CMSS1: variants seen among roughly 807,000 people sequenced by gnomAD.
CMSS1 encodes the protein cms1 ribosomal small subunit homolog.
A neutral mutation model predicts 43.5 loss-of-function variants in CMSS1; 33 were observed. The observed-to-expected ratio is 0.76, with a 90% CI of 0.57 to 1.01. CMSS1 has a LOEUF of 1.01. Among genes scored for constraint, CMSS1 ranks in the 50% least tolerant of loss-of-function variants. The pLI, the probability that CMSS1 is intolerant of heterozygous loss-of-function variation, is 0.00. For missense variants in CMSS1, 313 were observed against 326.4 expected (o/e 0.96, Z 0.32); for synonymous variants, 115 against 117.2 (o/e 0.98, Z 0.12).
intron 1 of CMSS1, among the ~76,000 whole-genome samples, chr3:99,854,684 T>TG (rs35225638): frequency 0.71 from 107,769 of 151,898 alleles, 38,555 homozygotes; most frequent in East Asian, 0.81. Context: ...AAATGTCTCC[T>TG]GGGGGGCAGT....
At chr3:100,115,557 TTCTCTCTCTCTCTCTCTG>T (rs2066553351) in intron 1 of CMSS1, among the ~76,000 whole-genome samples, 1 of 75,194 alleles carries the variant, frequency 1.3e-5, no homozygotes, top group Non-Finnish European at 3.1e-5. Context: ...CTCTTTCTCT[TTCTCTCTCTCTCTCTCTG>T]TCTCTCTCTC....
intron 1 of CMSS1, among the ~76,000 whole-genome samples, chr3:99,928,997 T>TAGAA (rs1707385266): frequency 6.6e-6 from 1 of 152,188 alleles, no homozygotes; most frequent in South Asian, 2.1e-4. Context: ...GCAAGGACAT[T>TAGAA]AGAGGTCAGT....
chr3:100,121,921 A>G (rs2107492404), intron 1 of CMSS1, among the ~76,000 whole-genome samples: 1 of 152,302 alleles, frequency 6.6e-6, no homozygotes, highest in South Asian at 2.1e-4. Context: ...AGGTATTTCA[A>G]CACTGCAAGG....
At chr3:100,149,559 T>TC (rs1334736324) in intron 2 of CMSS1, among the ~76,000 whole-genome samples, 9 of 152,232 alleles carry the variant, frequency 5.9e-5, no homozygotes, top group Admixed American at 5.9e-4. Flanking sequence ...CTTTGAAGAG[T>TC]CCAAGTCCTA....
intron 1 of CMSS1, among the ~76,000 whole-genome samples, chr3:100,029,367 A>C (rs1297354157): frequency 5.3e-5 from 8 of 152,122 alleles, no homozygotes. Flanking sequence ...AATAAAGTCA[A>C]GTCCCCTAGG....
intron 1 of CMSS1, among the ~76,000 whole-genome samples, chr3:100,088,979 A>G (rs1338273162): frequency 2.6e-5 from 4 of 152,138 alleles, no homozygotes; most frequent in East Asian, 1.9e-4. Context: ...ACTTGAATCA[A>G]TCATGGTTTA....
At chr3:100,058,757 C>T (rs146015249) in intron 1 of CMSS1, among the ~76,000 whole-genome samples, 355 of 152,312 alleles carry the variant, frequency 2.3e-3, no homozygotes, top group Middle Eastern at 0.01. Flanking sequence ...AGAAGGAGGA[C>T]GCTGTATAAC....
At chr3:99,961,636 A>T (rs1708494181) in intron 1 of CMSS1, among the ~76,000 whole-genome samples, 1 of 152,112 alleles carries the variant, frequency 6.6e-6, no homozygotes, top group Non-Finnish European at 1.5e-5. Flanking sequence ...CTGGGAACCG[A>T]TACCTTTGGC....
intron 1 of CMSS1, among the ~76,000 whole-genome samples, chr3:99,894,049 A>G (rs1047199978): frequency 2.6e-5 from 4 of 152,224 alleles, no homozygotes; most frequent in Non-Finnish European, 5.9e-5. Flanking sequence ...ACCAGCATAT[A>G]ATAGCTTCAG....
chr3:99,850,703 G>T (rs1333400545), intron 1 of CMSS1: 1 of 1,613,908 alleles, frequency 6.2e-7, no homozygotes, highest in African/African-American at 1.3e-5. Context: ...GCCAGCTTTT[G>T]TTGAAGCTGG....
At chr3:99,883,894 C>T (rs565714346) in intron 1 of CMSS1, among the ~76,000 whole-genome samples, 1 of 152,234 alleles carries the variant, frequency 6.6e-6, no homozygotes, top group South Asian at 2.1e-4. Flanking sequence ...AATGATGGCA[C>T]CAGAGTTTGA....
intron 1 of CMSS1, among the ~76,000 whole-genome samples, chr3:99,944,610 A>G (rs924451336): frequency 6.6e-5 from 10 of 152,234 alleles, no homozygotes; most frequent in African/African-American, 2.4e-4. Context: ...AAACCTAAAG[A>G]GGTTAAGTTA....
chr3:99,953,735 A>T (rs1010709088), intron 1 of CMSS1, among the ~76,000 whole-genome samples: 1 of 152,198 alleles, frequency 6.6e-6, no homozygotes, highest in African/African-American at 2.4e-5. Context: ...AACCACAGTG[A>T]TGGCCTTTCC....
At chr3:99,909,938 T>C (rs183275568) in intron 1 of CMSS1, among the ~76,000 whole-genome samples, 1 of 138,672 alleles carries the variant, frequency 7.2e-6, no homozygotes, top group East Asian at 2.0e-4. Context: ...AGAGCTGTTG[T>C]CATCTGACCA....
intron 1 of CMSS1, among the ~76,000 whole-genome samples, chr3:100,007,746 A>G (rs1262179196): frequency 2.0e-5 from 3 of 151,964 alleles, no homozygotes; most frequent in Non-Finnish European, 4.4e-5. Context: ...TTTGACTGCC[A>G]CTGTTACCAA....
chr3:99,927,304 C>A (rs1707324634), intron 1 of CMSS1, among the ~76,000 whole-genome samples: 1 of 151,662 alleles, frequency 6.6e-6, no homozygotes, highest in Non-Finnish European at 1.5e-5. Context: ...CTAGGTTATG[C>A]TAATAATACT....
chr3:100,121,782 C>T (rs1295508518), intron 1 of CMSS1, among the ~76,000 whole-genome samples: 1 of 152,244 alleles, frequency 6.6e-6, no homozygotes, highest in South Asian at 2.1e-4. Context: ...TCTGAGGGGG[C>T]CCCTGGTGTC....
chr3:99,982,868 T>G (rs1709169203), intron 1 of CMSS1, among the ~76,000 whole-genome samples: 1 of 152,184 alleles, frequency 6.6e-6, no homozygotes, highest in African/African-American at 2.4e-5. Context: ...ATAAATAAAT[T>G]CATATAATGT....
At position 99,950,442 on chromosome 3, in the gene CMSS1, G is replaced by T. The variant is rs146511804; in HGVS notation, c.64+132399G>T. ...CCCAAAGCCACAAAGTTAATAAGTG[G>T]CAGGGCCATGATGCACATGTCCTAT... On this transcript the variant is annotated intron_variant, in intron 1 of 9. Coordinates refer to ENST00000421999, the MANE Select transcript of CMSS1 (RefSeq NM_032359.4). Among the ~76,000 whole-genome samples the T allele has an allele frequency of 3.8e-3, 575 of 152,270 alleles. 3 individuals carry two copies. The highest frequency in any genetic ancestry group is 0.013 in the African/African-American group (546 of 41,546).
Sources: allele counts gnomAD v4.1 joint callset (sites outside exome capture counted in the v4.1 genomes callset), GRCh38; gene constraint gnomAD v4.1.1; transcripts MANE v1.5; gene names NCBI Gene and HGNC (gene_info 2026-07-23, HGNC 2026-07-21).